The following SV2C variants were observed in gnomAD, a reference collection of about 807,000 sequenced individuals.
The protein encoded by SV2C is synaptic vesicle glycoprotein 2C.
In SV2C, 49 loss-of-function variants were observed where a neutral mutation model predicts 79.7. The observed-to-expected ratio is 0.61, with a 90% CI of 0.49 to 0.78. The LOEUF (loss-of-function observed/expected upper bound fraction) is 0.78. Among genes scored for constraint, SV2C ranks in the 30% least tolerant of loss-of-function variants. SV2C has a pLI of 0.00. For missense variants in SV2C, 833 were observed against 912.9 expected (o/e 0.91, Z 1.13); for synonymous variants, 334 against 333.2 (o/e 1.00, Z -0.03).
the SV2C span, among the ~76,000 whole-genome samples, chr5:76,062,307 A>AT: frequency 6.6e-6 from 1 of 152,058 alleles, no homozygotes; most frequent in Admixed American, 6.6e-5. Context: ...TGTGAATGGG[A>AT]TTAGGTGCTC....
At chr5:76,254,180 ATG>A (rs1268914175) in intron 4 of SV2C, among the ~76,000 whole-genome samples, 8,558 of 149,426 alleles carry the variant, frequency 0.057, 833 homozygotes, top group African/African-American at 0.19. Context: ...GTGTATATAT[ATG>A]TGTGTGTGTA....
chr5:76,246,149 A>G (rs1041590624), intron 4 of SV2C, among the ~76,000 whole-genome samples: 14 of 152,102 alleles, frequency 9.2e-5, no homozygotes, highest in Admixed American at 9.2e-4. Flanking sequence ...GGGAATCACC[A>G]TGTGGGAAAA....
the SV2C span, among the ~76,000 whole-genome samples, chr5:76,070,384 T>C: frequency 2.6e-5 from 4 of 152,196 alleles, no homozygotes; most frequent in Non-Finnish European, 5.9e-5. Flanking sequence ...GGCAGGTTTC[T>C]ACTGTCCCCA....
intron 1 of SV2C, chr5:76,084,118 G>A (rs1158262293): frequency 6.6e-6 from 1 of 152,380 alleles, no homozygotes; most frequent in Non-Finnish European, 1.5e-5. Context: ...GTCTAAGAGA[G>A]AGCAAGAGAG....
rs566554663 is a variant in SV2C at position 76,131,828 on chromosome 5, A to G, written c.78A>G (p.Thr26=). Residue 26 remains threonine (T), a synonymous_variant, in exon 2 of 13, where the codon ACA becomes ACG. Coordinates refer to ENST00000502798, the MANE Select transcript of SV2C (RefSeq NM_014979.4). ...TTGCCAGAGAGGTGAAGAAACAAAC[A>G]GTAAAGAAGGTGAATCAAGCTGTGG... The part of the protein sequence containing the change: ...KDIAREVKKQ[T]VKKVNQAVDR... 2.5e-6 allele frequency: 4 copies of G among 1,614,114 alleles called. No homozygotes were observed. In the African/African-American group the frequency reaches 5.3e-5, roughly 22 times the overall value.
chr5:76,352,690 G>C (rs1352071758), intron 12 of SV2C, among the ~76,000 whole-genome samples: 1 of 152,166 alleles, frequency 6.6e-6, no homozygotes, highest in African/African-American at 2.4e-5. Flanking sequence ...GCACAAAACA[G>C]ACTAAGACAA....
chr5:76,035,722 G>A, the SV2C span, among the ~76,000 whole-genome samples: 1 of 152,206 alleles, frequency 6.6e-6, no homozygotes, highest in Non-Finnish European at 1.5e-5. Context: ...TGTATCTTCT[G>A]TTGATTTGGG....
chr5:75,880,732 A>C, the SV2C span, among the ~76,000 whole-genome samples: 1 of 152,152 alleles, frequency 6.6e-6, no homozygotes, highest in Non-Finnish European at 1.5e-5. Flanking sequence ...AAACTCTTCC[A>C]ACCTGTGCCT....
chr5:76,351,796 T>C (rs150542295), intron 12 of SV2C, among the ~76,000 whole-genome samples: 1 of 152,324 alleles, frequency 6.6e-6, no homozygotes, highest in African/African-American at 2.4e-5. Flanking sequence ...CCGTGTCTCC[T>C]GTGGACCCGG....
At chr5:76,275,259 G>A (rs182782627) in intron 4 of SV2C, among the ~76,000 whole-genome samples, 2 of 152,172 alleles carry the variant, frequency 1.3e-5, no homozygotes, top group African/African-American at 4.8e-5. Context: ...AGGCCGAGGC[G>A]GGCAGATCAC....
chr5:76,046,579 T>G, the SV2C span, among the ~76,000 whole-genome samples: 1 of 152,200 alleles, frequency 6.6e-6, no homozygotes, highest in East Asian at 1.9e-4. Context: ...GAATGGGAAT[T>G]TATTTACTAA....
chr5:75,893,351 A>C, the SV2C span, among the ~76,000 whole-genome samples: 33 of 152,102 alleles, frequency 2.2e-4, no homozygotes, highest in South Asian at 5.4e-3. Context: ...AGGTCTGTAA[A>C]GTATTCTAGA....
chr5:76,308,727 C>A (rs1415199729), intron 12 of SV2C, among the ~76,000 whole-genome samples: 1 of 152,120 alleles, frequency 6.6e-6, no homozygotes, highest in Middle Eastern at 3.2e-3. Context: ...TCCCCAAGCT[C>A]CCTAGCAGTT....
At chr5:75,931,355 A>T in the SV2C span, among the ~76,000 whole-genome samples, 2 of 152,224 alleles carry the variant, frequency 1.3e-5, no homozygotes, top group African/African-American at 4.8e-5. Flanking sequence ...TAAGTCAATC[A>T]TCTGCCATGA....
chr5:76,339,279 T>A (rs1749391729), intron 12 of SV2C, among the ~76,000 whole-genome samples: 1 of 152,216 alleles, frequency 6.6e-6, no homozygotes, highest in African/African-American at 2.4e-5. Flanking sequence ...CTATAAATTA[T>A]TTTTCTATAT....
chr5:76,018,366 T>C, the SV2C span, among the ~76,000 whole-genome samples: 1 of 152,188 alleles, frequency 6.6e-6, no homozygotes, highest in African/African-American at 2.4e-5. Flanking sequence ...ATAATCATAA[T>C]CACGGGCCTT....
chr5:75,896,027 C>T, the SV2C span, among the ~76,000 whole-genome samples: 1 of 151,812 alleles, frequency 6.6e-6, no homozygotes, highest in Non-Finnish European at 1.5e-5. Context: ...CATATATTAT[C>T]TAAATTGTCA....
the SV2C span, among the ~76,000 whole-genome samples, chr5:76,003,862 C>T: frequency 1.3e-5 from 2 of 151,656 alleles, no homozygotes; most frequent in African/African-American, 2.4e-5. Flanking sequence ...AAAGTCAGGC[C>T]GACTGTCTAA....
chr5:76,336,887 T>C (rs1749340662), downstream of SV2C, among the ~76,000 whole-genome samples: 1 of 152,176 alleles, frequency 6.6e-6, no homozygotes, highest in South Asian at 2.1e-4. Context: ...CAGAGGATGC[T>C]GGGGTGCAGA....
Sources: gnomAD v4.1 joint callset for allele counts (sites outside exome capture counted in the v4.1 genomes callset) on GRCh38, gnomAD v4.1.1 for gene constraint, MANE v1.5 for transcripts, NCBI Gene and HGNC (gene_info 2026-07-23, HGNC 2026-07-21) for gene names.